Variants in NBEA observed in about 807,000 individuals in gnomAD.
NBEA encodes the protein neurobeachin.
A neutral mutation model predicts 343.4 loss-of-function variants in NBEA; 44 were observed. The ratio of observed to expected loss-of-function variants is 0.13; its 90% CI spans 0.10 to 0.16. The LOEUF is 0.16. NBEA is among the 10% of genes least tolerant of loss of function. The pLI is 1.00. For synonymous variants in NBEA, 1,175 were observed against 1,238.7 expected (o/e 0.95, Z 1.08); for missense variants, 2,555 against 3,631.3 (o/e 0.70, Z 7.62).
intron 10 of NBEA, among the ~76,000 whole-genome samples, chr13:35,096,199 T>A (rs1265600637): frequency 7.3e-6 from 1 of 136,780 alleles, no homozygotes; most frequent in Non-Finnish European, 1.6e-5. Flanking sequence ...ATTGTAAAGA[T>A]TTTTTTTTTT....
At chr13:35,015,506 C>G (rs2061626967) in intron 1 of NBEA, among the ~76,000 whole-genome samples, 1 of 151,756 alleles carries the variant, frequency 6.6e-6, no homozygotes, top group African/African-American at 2.4e-5. Context: ...CAACTACTTT[C>G]CATTTTTTTT....
chr13:35,335,664 T>A (rs1423201547), intron 36 of NBEA, among the ~76,000 whole-genome samples: 1 of 152,126 alleles, frequency 6.6e-6, no homozygotes, highest in African/African-American at 2.4e-5. Flanking sequence ...AGAAAACATC[T>A]GTGTAGATTA....
At chr13:35,551,408 A>T (rs2079317713) in intron 43 of NBEA, among the ~76,000 whole-genome samples, 1 of 152,184 alleles carries the variant, frequency 6.6e-6, no homozygotes, top group Admixed American at 6.5e-5. Context: ...TGCCATATAT[A>T]AATGCTTCTT....
At chr13:35,011,790 A>G (rs1219741514) in intron 1 of NBEA, among the ~76,000 whole-genome samples, 4 of 152,196 alleles carry the variant, frequency 2.6e-5, no homozygotes, top group African/African-American at 9.7e-5. Context: ...TTGATATTTT[A>G]CTTAAGCTTA....
At chr13:35,470,261 A>G (rs2075583113) in intron 40 of NBEA, among the ~76,000 whole-genome samples, 1 of 152,240 alleles carries the variant, frequency 6.6e-6, no homozygotes. Flanking sequence ...GTCCCCTTTC[A>G]GAAACACAGA....
intron 38 of NBEA, among the ~76,000 whole-genome samples, chr13:35,430,636 C>T (rs1256587280): frequency 3.3e-5 from 5 of 152,032 alleles, no homozygotes; most frequent in Non-Finnish European, 7.4e-5. Context: ...TGTTCAGCTG[C>T]CCTTACAGAA....
At chr13:35,303,897 T>C (rs1355088262) in intron 35 of NBEA, among the ~76,000 whole-genome samples, 1 of 152,198 alleles carries the variant, frequency 6.6e-6, no homozygotes, top group African/African-American at 2.4e-5. Flanking sequence ...CTTTCTCACT[T>C]ACCAGCCCAG....
intron 1 of NBEA, among the ~76,000 whole-genome samples, chr13:35,009,947 T>A (rs1488346961): frequency 6.6e-6 from 1 of 152,114 alleles, no homozygotes; most frequent in Non-Finnish European, 1.5e-5. Flanking sequence ...GCCTAACTGA[T>A]CAGAAGGATG....
At chr13:35,132,165 A>G (rs1380003551) in intron 17 of NBEA, among the ~76,000 whole-genome samples, 1 of 151,994 alleles carries the variant, frequency 6.6e-6, no homozygotes, top group Non-Finnish European at 1.5e-5. Context: ...TATTACTATT[A>G]TTATTATTTT....
chr13:35,077,820 T>C (rs2064188485), intron 10 of NBEA, among the ~76,000 whole-genome samples: 1 of 152,192 alleles, frequency 6.6e-6, no homozygotes, highest in Non-Finnish European at 1.5e-5. Context: ...CATTTCTTGA[T>C]AGTCTTTCCA....
chr13:35,171,195 G>T, intron 25 of NBEA, 77 bp from the exon 26 acceptor site: 1 of 1,031,506 alleles, frequency 9.7e-7, no homozygotes, highest in Non-Finnish European at 1.5e-6. Context: ...ATGTTCACTT[G>T]TAGTATGTAT....
chr13:35,097,020 G>A (rs2065369993), intron 10 of NBEA, among the ~76,000 whole-genome samples: 1 of 151,692 alleles, frequency 6.6e-6, no homozygotes, highest in South Asian at 2.1e-4. Context: ...TTAATTTCCT[G>A]TAATGAAGTA....
chr13:35,264,868 G>A (rs7996347), intron 34 of NBEA, among the ~76,000 whole-genome samples: 126,305 of 151,754 alleles, frequency 0.83, 52,772 homozygotes, highest in South Asian at 0.94. Flanking sequence ...TCTGTTCAAC[G>A]TAGTAGAAGT....
chr13:35,475,610 T>A (rs749619615), intron 41 of NBEA: 1 of 1,613,474 alleles, frequency 6.2e-7, no homozygotes, highest in South Asian at 1.1e-5. Context: ...CAGATCCCGG[T>A]GCATTTAAAG....
intron 38 of NBEA, among the ~76,000 whole-genome samples, chr13:35,356,049 T>A (rs1315416801): frequency 6.6e-6 from 1 of 152,236 alleles, no homozygotes; most frequent in South Asian, 2.1e-4. Flanking sequence ...GCACCTAGAA[T>A]AAGCCCTGAT....
intron 1 of NBEA, among the ~76,000 whole-genome samples, chr13:34,974,352 G>A (rs1257529373): frequency 6.6e-6 from 1 of 152,034 alleles, no homozygotes; most frequent in African/African-American, 2.4e-5. Context: ...GAGTAGAAGT[G>A]GTTTCCTCTT....
At chr13:34,995,175 G>A (rs2060895691) in intron 1 of NBEA, among the ~76,000 whole-genome samples, 3 of 152,174 alleles carry the variant, frequency 2.0e-5, no homozygotes, top group Non-Finnish European at 2.9e-5. Flanking sequence ...AAAACTGGCT[G>A]GGTGTGGTGG....
chr13:35,479,108 T>C (rs567939645), intron 41 of NBEA, among the ~76,000 whole-genome samples: 1 of 152,352 alleles, frequency 6.6e-6, no homozygotes, highest in African/African-American at 2.4e-5. Flanking sequence ...AAATGGATGG[T>C]GAGAAAAGGT....
intron 34 of NBEA, among the ~76,000 whole-genome samples, chr13:35,284,223 C>G (rs1020662422): frequency 4.6e-5 from 7 of 152,142 alleles, no homozygotes; most frequent in African/African-American, 1.7e-4. Context: ...CCTAATATAT[C>G]TGGTATATCC....
Sources: gnomAD v4.1 joint callset for allele counts (sites outside exome capture counted in the v4.1 genomes callset) on GRCh38, gnomAD v4.1.1 for gene constraint, MANE v1.5 for transcripts, NCBI Gene and HGNC (gene_info 2026-07-23, HGNC 2026-07-21) for gene names.